GRM8: variants seen among roughly 807,000 people sequenced by gnomAD.
The protein encoded by GRM8 is metabotropic glutamate receptor 8.
GRM8 carries 47 observed loss-of-function variants against 87.2 expected under a neutral mutation model. The observed-to-expected ratio is 0.54, with a 90% confidence interval of 0.43 to 0.69. The LOEUF is 0.69. Ranked by LOEUF, GRM8 falls within the 30% of genes least tolerant of loss-of-function variation. GRM8 has a pLI of 0.00. For missense variants in GRM8, 1,019 were observed against 1,139.2 expected, an observed-to-expected ratio of 0.89 and a Z score of 1.52; for synonymous variants, 396 against 404.5, an observed-to-expected ratio of 0.98 and a Z score of 0.25.
intron 2 of GRM8, among the ~76,000 whole-genome samples, chr7:127,159,456 A>G (rs534371740): frequency 2.6e-5 from 4 of 152,316 alleles, no homozygotes; most frequent in African/African-American, 9.6e-5. Flanking sequence ...TACTAACTTT[A>G]AAAGTATGGC....
intron 7 of GRM8, among the ~76,000 whole-genome samples, chr7:126,647,302 GATAGATA>G (rs1563054571): frequency 8.1e-4 from 37 of 45,712 alleles, no homozygotes; most frequent in African/African-American, 3.3e-3. Context: ...TGGATAGATA[GATAGATA>G]GATAGATAGA....
intron 8 of GRM8, among the ~76,000 whole-genome samples, chr7:126,553,981 G>A (rs1270546197): frequency 2.0e-5 from 3 of 151,976 alleles, no homozygotes; most frequent in African/African-American, 7.2e-5. Context: ...GTACTCTTTT[G>A]TACTTTATTT....
chr7:127,244,054 G>A (rs534244511), intron 1 of GRM8, among the ~76,000 whole-genome samples: 17 of 152,102 alleles, frequency 1.1e-4, no homozygotes, highest in Admixed American at 7.2e-4. Flanking sequence ...GCTAAAAAAT[G>A]TGTAAGTTTT....
intron 6 of GRM8, among the ~76,000 whole-genome samples, chr7:126,787,645 G>C (rs892362860): frequency 9.2e-5 from 14 of 151,888 alleles, no homozygotes; most frequent in Non-Finnish European, 1.5e-4. Context: ...TATTCTCCTT[G>C]ATCACTTTTC....
At chr7:127,025,373 G>T (rs1288175395) in intron 3 of GRM8, among the ~76,000 whole-genome samples, 2 of 152,038 alleles carry the variant, frequency 1.3e-5, no homozygotes, top group African/African-American at 4.8e-5. Flanking sequence ...CAGGAGAAAA[G>T]CTGCATGAAG....
At chr7:127,143,700 T>C (rs143607480) in intron 2 of GRM8, among the ~76,000 whole-genome samples, 1 of 152,246 alleles carries the variant, frequency 6.6e-6, no homozygotes, top group East Asian at 1.9e-4. Context: ...ACTGATGGTA[T>C]CCACATTAAG....
At chr7:126,978,946 G>C (rs2131840149) in intron 3 of GRM8, among the ~76,000 whole-genome samples, 1 of 152,210 alleles carries the variant, frequency 6.6e-6, no homozygotes. Flanking sequence ...TGCTATACTG[G>C]CCGACTTTGG....
intron 2 of GRM8, among the ~76,000 whole-genome samples, chr7:127,141,228 C>A (rs1440429426): frequency 6.6e-6 from 1 of 152,024 alleles, no homozygotes; most frequent in East Asian, 1.9e-4. Flanking sequence ...TTAAACCTAA[C>A]CCCTCCCTAG....
intron 3 of GRM8, chr7:127,058,103 G>T (rs369466436): frequency 2.0e-6 from 1 of 509,870 alleles, no homozygotes; most frequent in African/African-American, 2.0e-5. Context: ...GACGTCTTAC[G>T]TCATGATGTT....
At chr7:127,116,069 T>C (rs1043011269) in intron 2 of GRM8, among the ~76,000 whole-genome samples, 9 of 152,186 alleles carry the variant, frequency 5.9e-5, no homozygotes, top group African/African-American at 1.9e-4. Flanking sequence ...TGAGCTATAA[T>C]TGCACCACTG....
intron 6 of GRM8, among the ~76,000 whole-genome samples, chr7:126,786,471 A>G (rs1820637146): frequency 6.6e-6 from 1 of 152,194 alleles, no homozygotes; most frequent in Admixed American, 6.5e-5. Context: ...GGCAGGGATC[A>G]TGTTTATTTT....
chr7:126,588,011 C>A (rs751245067), intron 8 of GRM8, among the ~76,000 whole-genome samples: 45 of 151,982 alleles, frequency 3.0e-4, no homozygotes, highest in Admixed American at 6.6e-4. Flanking sequence ...CTCTGATTCC[C>A]TTCAGAAAAA....
At chr7:126,992,230 C>T (rs190944844) in intron 3 of GRM8, among the ~76,000 whole-genome samples, 3 of 152,232 alleles carry the variant, frequency 2.0e-5, no homozygotes, top group Non-Finnish European at 4.4e-5. Context: ...AATGTCTACT[C>T]TCATTGCTCT....
intron 2 of GRM8, among the ~76,000 whole-genome samples, chr7:127,164,403 C>T (rs969370437): frequency 6.6e-6 from 1 of 152,018 alleles, no homozygotes; most frequent in African/African-American, 2.4e-5. Flanking sequence ...TGGAGTTAGC[C>T]CTAAAAGTAA....
chr7:126,641,473 C>A (rs78239617), intron 7 of GRM8, among the ~76,000 whole-genome samples: 1 of 152,052 alleles, frequency 6.6e-6, no homozygotes, highest in Non-Finnish European at 1.5e-5. Flanking sequence ...TAGTATGTGA[C>A]ATGGAGTAAG....
rs190965950 is a variant in GRM8 at position 127,195,101 on chromosome 7, C to T, written c.510+47594G>A. 2.8e-3 allele frequency among the ~76,000 whole-genome samples: 430 copies of T among 152,272 alleles called. 3 individuals carry two copies. The highest frequency in any genetic ancestry group is 9.8e-3 in the African/African-American group (406 of 41,548). ...TTTGCCATCCTTCCCACAATGGGTG[C>T]TTCAACTTTCATTCCACTCATTGTA... On this transcript the variant is annotated intron_variant, in intron 2 of 10. Coordinates refer to ENST00000339582, the MANE Select transcript of GRM8 (RefSeq NM_000845.3).
chr7:126,594,721 A>G (rs1797001745), intron 8 of GRM8, among the ~76,000 whole-genome samples: 2 of 152,186 alleles, frequency 1.3e-5, no homozygotes, highest in Admixed American at 6.6e-5. Flanking sequence ...GAGTGGATAT[A>G]AAGTGTTCTT....
intron 3 of GRM8, among the ~76,000 whole-genome samples, chr7:126,977,160 A>G (rs1203971659): frequency 6.6e-6 from 1 of 152,194 alleles, no homozygotes; most frequent in Non-Finnish European, 1.5e-5. Context: ...AAAATTTTAA[A>G]TATTTTCAGT....
At chr7:127,101,559 T>C (rs1437693131) in intron 3 of GRM8, among the ~76,000 whole-genome samples, 1 of 152,214 alleles carries the variant, frequency 6.6e-6, no homozygotes, top group Non-Finnish European at 1.5e-5. Context: ...TTGCTCTTGC[T>C]TTCACTATGT....
Sources: allele counts gnomAD v4.1 joint callset (sites outside exome capture counted in the v4.1 genomes callset), GRCh38; gene constraint gnomAD v4.1.1; transcripts MANE v1.5; gene names NCBI Gene and HGNC (gene_info 2026-07-23, HGNC 2026-07-21).